MAST4: variants seen among roughly 807,000 people sequenced by gnomAD.
MAST4 encodes the protein microtubule-associated serine/threonine-protein kinase 4.
Under a neutral mutation model 162.7 loss-of-function variants are expected in MAST4, and 89 were observed. The observed-to-expected ratio is 0.55, with a 90% CI of 0.46 to 0.65. MAST4 has a LOEUF of 0.65. Ranked by LOEUF, MAST4 falls within the 30% of genes least tolerant of loss-of-function variation. The pLI is 0.00. For missense variants in MAST4, 3,153 were observed against 3,374.0 expected (o/e 0.93, Z 1.62); for synonymous variants, 1,479 against 1,361.1 (o/e 1.09, Z -1.91).
chr5:66,742,402 T>C (rs1042798606), intron 1 of MAST4, among the ~76,000 whole-genome samples: 4 of 152,184 alleles, frequency 2.6e-5, no homozygotes, highest in African/African-American at 4.8e-5. Context: ...GCTACTCTTA[T>C]TGGCTAAGAT....
chr5:67,010,851 G>A lies in MAST4; in HGVS notation c.675-43553G>A, dbSNP rs1752586217. On this transcript the variant is annotated intron_variant, in intron 4 of 28. Transcript: ENST00000403625. ...TGAACAGGTGCCCCAGGGTGGGGGT[G>A]TCATAACCCAGGAGAGAGTGAAGCA... Among the ~76,000 whole-genome samples, 3 of 152,206 alleles carry A rather than the reference G, an allele frequency of 2.0e-5. No individual in the cohort carries two copies. In the South Asian group the frequency reaches 6.2e-4, roughly 32 times the overall value.
rs78157714 is a variant in MAST4 at position 66,696,899 on chromosome 5, C to T, written c.364-62810C>T. 2.8e-3 allele frequency among the ~76,000 whole-genome samples: 424 copies of T among 152,242 alleles called. 3 individuals carry two copies. Among genetic ancestry groups the T allele is most frequent in the African/African-American group, 9.8e-3 (406 of 41,528 alleles). ...AAATAATGGCACTTTCACTTAATAT[C>T]CTGATGAAGCAGTAAAAAAAATTCT... On this transcript the variant is annotated intron_variant, in intron 1 of 28. Coordinates refer to ENST00000403625, the MANE Select transcript of MAST4 (RefSeq NM_001164664.2).
chr5:67,144,650 C>G lies in MAST4; in HGVS notation c.2731-19C>G, dbSNP rs79762765. The stretch of plus-strand genomic sequence containing the variant: ...TCTTTTTAGTAGATATTAATAAGCA[C>G]CAATTATTTGCCTTCCAGGTTTTCA... On this transcript the variant is annotated intron_variant, in intron 21 of 28. Coordinates refer to ENST00000403625, the MANE Select transcript of MAST4 (RefSeq NM_001164664.2). 2.3e-4 allele frequency: 364 copies of G among 1,611,374 alleles called. 3 individuals are homozygous for G. The East Asian group carries it at 7.3e-3, about 32-fold the overall frequency.
chr5:66,598,079 C>T (rs1742316759), intron 1 of MAST4, among the ~76,000 whole-genome samples: 2 of 152,066 alleles, frequency 1.3e-5, no homozygotes, highest in African/African-American at 4.8e-5. Flanking sequence ...GCCTTTGTCC[C>T]TTAGAGTAAG....
At chr5:67,021,436 T>A (rs1753968968) in intron 4 of MAST4, among the ~76,000 whole-genome samples, 1 of 152,142 alleles carries the variant, frequency 6.6e-6, no homozygotes, top group African/African-American at 2.4e-5. Flanking sequence ...CAAAAGCTTC[T>A]AAACACATTT....
At chr5:66,602,663 A>G (rs1022079679) in intron 1 of MAST4, among the ~76,000 whole-genome samples, 1 of 152,142 alleles carries the variant, frequency 6.6e-6, no homozygotes, top group Admixed American at 6.5e-5. Flanking sequence ...AGTGGGGGCT[A>G]GGGGGTGTGC....
At chr5:66,845,591 T>G (rs907233958) in intron 3 of MAST4, among the ~76,000 whole-genome samples, 4 of 152,142 alleles carry the variant, frequency 2.6e-5, no homozygotes, top group Admixed American at 6.5e-5. Context: ...GCATGTGTCT[T>G]TATAGTAGCA....
chr5:67,078,598 CAATA>C (rs2150712211), intron 5 of MAST4, among the ~76,000 whole-genome samples: 1 of 143,574 alleles, frequency 7.0e-6, no homozygotes, highest in Non-Finnish European at 1.5e-5. Flanking sequence ...TTTGTCAAGT[CAATA>C]AAGCTGGAAA....
intron 3 of MAST4, among the ~76,000 whole-genome samples, chr5:66,824,185 A>T (rs76720766): frequency 0.015 from 2,324 of 152,320 alleles, 60 homozygotes; most frequent in African/African-American, 0.051. Flanking sequence ...CTTGTTGAGA[A>T]GTAGTGATCA....
intron 1 of MAST4, among the ~76,000 whole-genome samples, chr5:66,681,014 A>G (rs1360351340): frequency 1.3e-5 from 2 of 152,178 alleles, no homozygotes; most frequent in African/African-American, 4.8e-5. Flanking sequence ...AAGGCAGAGT[A>G]TGATTCCACT....
At chr5:67,138,710 A>G (rs533166977) in intron 19 of MAST4, among the ~76,000 whole-genome samples, 4 of 152,326 alleles carry the variant, frequency 2.6e-5, no homozygotes, top group Admixed American at 6.5e-5. Flanking sequence ...CTGGGATTAC[A>G]GACATGAGCC....
intron 1 of MAST4, among the ~76,000 whole-genome samples, chr5:66,738,621 G>C (rs1196708731): frequency 6.6e-6 from 1 of 152,200 alleles, no homozygotes; most frequent in African/African-American, 2.4e-5. Flanking sequence ...GGAGAATATA[G>C]CAGGAGCAGG....
chr5:66,770,869 G>A (rs1754326495), intron 2 of MAST4, among the ~76,000 whole-genome samples: 1 of 152,164 alleles, frequency 6.6e-6, no homozygotes, highest in Non-Finnish European at 1.5e-5. Context: ...TTTTCCACAG[G>A]AGGCCCAGTT....
At chr5:66,853,602 C>A (rs1450885812) in intron 3 of MAST4, among the ~76,000 whole-genome samples, 2 of 152,280 alleles carry the variant, frequency 1.3e-5, no homozygotes, top group Non-Finnish European at 2.9e-5. Flanking sequence ...GCAGAAGTTA[C>A]TAAGTCTCAT....
At chr5:67,078,931 T>TTTTTATATTTTTATATAAATAAATAA (rs1561622531) in intron 5 of MAST4, among the ~76,000 whole-genome samples, 1 of 71,322 alleles carries the variant, frequency 1.4e-5, no homozygotes, top group African/African-American at 7.4e-5. Context: ...TATATATATA[T>TTTTTATATTTTTATATAAATAAATAA]ATATATATAT....
At chr5:66,750,969 C>T (rs1318637497) in intron 1 of MAST4, among the ~76,000 whole-genome samples, 2 of 152,208 alleles carry the variant, frequency 1.3e-5, no homozygotes, top group Admixed American at 6.5e-5. Context: ...AGACTGCCTT[C>T]TCAAGTGGGT....
At chr5:66,795,084 A>G (rs901409413) in intron 3 of MAST4, among the ~76,000 whole-genome samples, 4 of 152,216 alleles carry the variant, frequency 2.6e-5, no homozygotes, top group African/African-American at 9.6e-5. Flanking sequence ...CATTAGCCTT[A>G]TAGCTCAAAA....
chr5:66,924,546 A>G (rs1764753124), intron 4 of MAST4, among the ~76,000 whole-genome samples: 1 of 151,872 alleles, frequency 6.6e-6, no homozygotes, highest in African/African-American at 2.4e-5. Context: ...GGCGTCCGCC[A>G]CCGCGTCCAC....
At chr5:66,892,633 TA>T (rs2149951183) in intron 3 of MAST4, among the ~76,000 whole-genome samples, 1 of 152,284 alleles carries the variant, frequency 6.6e-6, no homozygotes, top group African/African-American at 2.4e-5. Context: ...TCTTCCTCGT[TA>T]GGGGAAAGAG....
Sources: allele counts gnomAD v4.1 joint callset (sites outside exome capture counted in the v4.1 genomes callset), GRCh38; gene constraint gnomAD v4.1.1; transcripts MANE v1.5; gene names NCBI Gene and HGNC (gene_info 2026-07-23, HGNC 2026-07-21).